The following THAP2 variants were observed in gnomAD, a reference collection of about 807,000 sequenced individuals.
The protein encoded by THAP2 is THAP domain containing 2.
A neutral mutation model predicts 18.8 loss-of-function variants in THAP2; 16 were observed. The observed-to-expected ratio is 0.85, with a 90% CI of 0.58 to 1.29. The LOEUF (loss-of-function observed/expected upper bound fraction) is 1.29. THAP2 is among the 50% of genes most tolerant of loss of function. THAP2 has a pLI of 0.00. For synonymous variants in THAP2, 80 were observed against 89.2 expected, an observed-to-expected ratio of 0.90 and a Z score of 0.58; for missense variants, 251 against 265.3, an observed-to-expected ratio of 0.95 and a Z score of 0.38.
intron 1 of THAP2, 98 bp downstream of exon 1, chr12:71,664,678 C>A (rs1881297395): frequency 7.2e-7 from 1 of 1,397,720 alleles, no homozygotes; most frequent in Non-Finnish European, 1.0e-6. Flanking sequence ...ATTCTAATAA[C>A]TTTCCCAGCT....
At position 71,677,265 on chromosome 12, in the gene THAP2, A is replaced by C. The variant is rs10748180; in HGVS notation, c.*157A>C. 491 of 660,184 alleles carry C rather than the reference A, an allele frequency of 7.4e-4. 1 individual carries two copies. The highest frequency in any genetic ancestry group is 3.9e-3 in the Middle Eastern group (8 of 2,070). The allele number at this position is 660,184 out of a possible 1,614,324, so 40.9% of individuals were successfully genotyped here. ...TGATTACAAAAGAATAAAAAACTTC[A>C]TATGGAAATTTTATTTGAAAATGAG... On this transcript the variant is annotated 3_prime_UTR_variant, in exon 3 of 3. Transcript: ENST00000308086.
At chr12:71,664,871 C>A (rs745731754) in intron 1 of THAP2, 1 of 702,428 alleles carries the variant, frequency 1.4e-6, no homozygotes, top group South Asian at 1.5e-5. Flanking sequence ...TCTGTTAGAC[C>A]GGGCCTTGAC....
At chr12:71,664,939 C>A in intron 1 of THAP2, 1 of 702,312 alleles carries the variant, frequency 1.4e-6, no homozygotes. Flanking sequence ...CCGTAAAAGC[C>A]TGCTGTGTTC....
chr12:71,670,073 G>T (rs996907560), intron 1 of THAP2, among the ~76,000 whole-genome samples: 2 of 152,142 alleles, frequency 1.3e-5, no homozygotes, highest in African/African-American at 4.8e-5. Context: ...GGTTGAGGGG[G>T]ATGGGGACAG....
rs1224838591 is a variant in THAP2 at position 71,677,429 on chromosome 12, AAG to A, written c.*323_*324del. The stretch of plus-strand genomic sequence containing the variant: ...GATAAGTAATATGTTTAACTTAGAG[AAG>A]AATTTTTTCCTGTACCAAAGTTGGC... On this transcript the variant is annotated 3_prime_UTR_variant, in exon 3 of 3. Transcript: ENST00000308086. The A allele has an allele frequency of 1.2e-5, 2 of 164,452 alleles. No homozygotes were observed. The highest frequency in any genetic ancestry group is 4.8e-5 in the African/African-American group (2 of 41,808). The allele number at this position is 164,452 out of a possible 1,614,324, so 10.2% of individuals were successfully genotyped here.
chr12:71,673,184 T>C (rs1288493073), intron 1 of THAP2, among the ~76,000 whole-genome samples: 2 of 152,152 alleles, frequency 1.3e-5, no homozygotes, highest in African/African-American at 4.8e-5. Flanking sequence ...TTCATGGTAG[T>C]AAATGACAAA....
intron 1 of THAP2, among the ~76,000 whole-genome samples, chr12:71,669,166 A>G (rs1412206700): frequency 6.6e-6 from 1 of 152,250 alleles, no homozygotes; most frequent in African/African-American, 2.4e-5. Flanking sequence ...GGGACAAAGC[A>G]GTGAAAAACA....
chr12:71,669,946 A>T (rs975316623), intron 1 of THAP2, among the ~76,000 whole-genome samples: 1 of 142,216 alleles, frequency 7.0e-6, no homozygotes, highest in Non-Finnish European at 1.5e-5. Context: ...AACAAGAGCG[A>T]AACTCCGTCT....
intron 1 of THAP2, among the ~76,000 whole-genome samples, chr12:71,668,423 C>G (rs1881379029): frequency 6.6e-6 from 1 of 152,066 alleles, no homozygotes; most frequent in Non-Finnish European, 1.5e-5. Context: ...TCATTTAATC[C>G]TTATGACCAC....
At chr12:71,676,550 C>A in intron 2 of THAP2, 139 bp from the exon 3 acceptor site, 1 of 776,180 alleles carries the variant, frequency 1.3e-6, no homozygotes, top group Non-Finnish European at 2.0e-6. Context: ...CATGAGATGG[C>A]TGCTGCTGTT....
chr12:71,676,215 C>T (rs1400944636), intron 2 of THAP2, among the ~76,000 whole-genome samples: 1 of 152,056 alleles, frequency 6.6e-6, no homozygotes, highest in Non-Finnish European at 1.5e-5. Flanking sequence ...AAGCTTGGTA[C>T]TTAAGAATAC....
At position 71,678,872 on chromosome 12, in the gene THAP2, T is replaced by C. The variant is rs966889172; in HGVS notation, c.*1764T>C. ...TGAATGTTATAAATCTTGCTAGTTA[T>C]TTTATCTTTATCTTAAGTATTAGAT... On this transcript the variant is annotated 3_prime_UTR_variant, in exon 3 of 3. Coordinates refer to ENST00000308086, the MANE Select transcript of THAP2 (RefSeq NM_031435.4). The C allele has an allele frequency of 1.3e-5, 2 of 152,166 alleles. No homozygotes were observed. Among genetic ancestry groups the C allele is most frequent in the African/African-American group, 4.8e-5 (2 of 41,452 alleles). 9.4% of individuals were successfully genotyped at this position (152,166 alleles called of 1,614,324 possible).
chr12:71,672,601 T>C (rs918724396), intron 1 of THAP2, among the ~76,000 whole-genome samples: 12 of 152,070 alleles, frequency 7.9e-5, no homozygotes, highest in African/African-American at 2.9e-4. Context: ...AAGGTTTTTG[T>C]ACCTGCTGGC....
Position 71,664,521 on chromosome 12 carries a change from T to C in THAP2, c.12T>C (p.Asn4=). The change falls in exon 1 of 3, where the codon AAT becomes AAC. Residue 4 remains asparagine, a synonymous_variant. Coordinates refer to ENST00000308086, the MANE Select transcript of THAP2 (RefSeq NM_031435.4). MPT[N]CAAAGCATTY... ...AGTGGGAAAGGGAAATGCCGACCAA[T>C]TGCGCTGCGGCGGGCTGTGCCACTA... 6.2e-7 allele frequency: 1 copy of C among 1,614,114 alleles called. No individual in the cohort carries two copies. Among genetic ancestry groups the C allele is most frequent in the Non-Finnish European group, 8.5e-7 (1 of 1,180,006 alleles).
intron 1 of THAP2, among the ~76,000 whole-genome samples, chr12:71,670,558 C>A (rs560104760): frequency 5.9e-5 from 9 of 152,122 alleles, no homozygotes; most frequent in Non-Finnish European, 1.0e-4. Flanking sequence ...TAACCAATAA[C>A]GTAAACAATC....
chr12:71,665,046 C>T, intron 1 of THAP2: 1 of 696,750 alleles, frequency 1.4e-6, no homozygotes, highest in Non-Finnish European at 2.6e-6. Flanking sequence ...ATTGAGTCAT[C>T]TTTGATAGCC....
At chr12:71,675,012 TAAAA>T (rs955757170) in intron 2 of THAP2, among the ~76,000 whole-genome samples, 1 of 150,736 alleles carries the variant, frequency 6.6e-6, no homozygotes, top group Admixed American at 6.6e-5. Context: ...AAAAGTAAAT[TAAAA>T]AAAACGAAAG....
chr12:71,669,340 A>T (rs745938694), intron 1 of THAP2, among the ~76,000 whole-genome samples: 1 of 152,254 alleles, frequency 6.6e-6, no homozygotes, highest in Non-Finnish European at 1.5e-5. Flanking sequence ...AATTTGGTCA[A>T]CTTAAGATTT....
At chr12:71,667,243 T>C (rs185012206) in intron 1 of THAP2, among the ~76,000 whole-genome samples, 87 of 152,366 alleles carry the variant, frequency 5.7e-4, no homozygotes, top group African/African-American at 2.1e-3. Context: ...ACTAATTTTA[T>C]GATTATCTTC....
Sources: allele counts gnomAD v4.1 joint callset (sites outside exome capture counted in the v4.1 genomes callset), GRCh38; gene constraint gnomAD v4.1.1; transcripts MANE v1.5; gene names NCBI Gene and HGNC (gene_info 2026-07-23, HGNC 2026-07-21).